SHTN1: variants seen among roughly 807,000 people sequenced by gnomAD.
SHTN1 encodes shootin 1, also known as shootin-1.
In SHTN1, 42 loss-of-function variants were observed where a neutral mutation model predicts 83.1. The ratio of observed to expected loss-of-function variants is 0.51; its 90% CI spans 0.39 to 0.65. The LOEUF (loss-of-function observed/expected upper bound fraction) is 0.65, where lower values mean the gene tolerates loss of function less well. SHTN1 is among the 30% of genes least tolerant of loss of function. The probability of loss-of-function intolerance (pLI) is 0.00; values close to 1 mark genes in which losing one functional copy is unlikely to be tolerated. For missense variants in SHTN1, 622 were observed against 737.8 expected (o/e 0.84, Z 1.82); for synonymous variants, 224 against 247.7 (o/e 0.90, Z 0.90).
chr10:117,023,002 GA>G (rs1182994059), intron 2 of SHTN1, among the ~76,000 whole-genome samples: 1 of 152,184 alleles, frequency 6.6e-6, no homozygotes, highest in Non-Finnish European at 1.5e-5. Context: ...ACTGACATCA[GA>G]AAGTTATGGC....
chr10:116,970,631 T>C (rs965259703), intron 2 of SHTN1, among the ~76,000 whole-genome samples: 1 of 151,906 alleles, frequency 6.6e-6, no homozygotes, highest in Non-Finnish European at 1.5e-5. Context: ...GGAGAACTGC[T>C]TGAACCCATG....
chr10:117,027,144 T>C (rs1419494576), intron 2 of SHTN1, among the ~76,000 whole-genome samples: 2 of 152,118 alleles, frequency 1.3e-5, no homozygotes, highest in Admixed American at 6.6e-5. Flanking sequence ...ATAGTTTGGA[T>C]CTGAATCCCC....
rs140487613 is a variant in SHTN1, at chr10:117,011,400, G to A, written c.-122-32092C>T. 2.7e-3 allele frequency among the ~76,000 whole-genome samples: 407 copies of A among 152,198 alleles called. 3 individuals are homozygous for A. The highest frequency in any genetic ancestry group is 9.4e-3 in the African/African-American group (391 of 41,526). ...TTGGTACCCTTGTTGAAAATCAACT[G>A]GTGATATACATGAGGATTTATTTTG... On this transcript the variant is annotated intron_variant, in intron 2 of 17. Transcript: ENST00000392901.
At chr10:116,907,869 AACTC>A (rs745824467) in intron 14 of SHTN1, 1 of 517,714 alleles carries the variant, frequency 1.9e-6, no homozygotes, top group African/African-American at 1.9e-5. Context: ...GTAATGTTTG[AACTC>A]ACTAAGGACT....
intron 12 of SHTN1, among the ~76,000 whole-genome samples, chr10:116,920,540 G>A (rs1199582341): frequency 2.0e-5 from 3 of 152,080 alleles, no homozygotes; most frequent in Admixed American, 1.3e-4. Flanking sequence ...TCATCTGAAT[G>A]ACTGCAATAG....
intron 11 of SHTN1, 21 bp from the exon 12 acceptor site, chr10:116,921,537 T>TC (rs1248613278): frequency 1.3e-6 from 2 of 1,586,602 alleles, no homozygotes. Flanking sequence ...AAGAAAAAGA[T>TC]CAACAGGAGA....
intron 7 of SHTN1, among the ~76,000 whole-genome samples, chr10:116,946,250 G>GT (rs1230455512): frequency 1.4e-5 from 2 of 147,812 alleles, no homozygotes; most frequent in Non-Finnish European, 3.0e-5. Context: ...TGTAGAGAGA[G>GT]TTTTTTTTAA....
chr10:116,911,775 G>A lies in SHTN1; in HGVS notation c.1359+15C>T. On this transcript the variant is annotated intron_variant, in intron 14 of 16. Coordinates refer to ENST00000355371, the MANE Select transcript of SHTN1 (RefSeq NM_001127211.3). ...TTCCCCATTAGCTAAACAATAAACTGAAATCTATTCTTACCAGTATTCCTT... is the reference window on the plus strand; with the variant it reads ...TTCCCCATTAGCTAAACAATAAACTAAAATCTATTCTTACCAGTATTCCTT... 6.2e-7 allele frequency: 1 copy of A among 1,604,562 alleles called. No individual in the cohort carries two copies. The highest frequency in any genetic ancestry group is 8.5e-7 in the Non-Finnish European group (1 of 1,171,922).
intron 1 of SHTN1, among the ~76,000 whole-genome samples, chr10:117,077,392 G>A (rs933049686): frequency 2.6e-5 from 4 of 152,158 alleles, no homozygotes; most frequent in Middle Eastern, 3.2e-3. Context: ...GGTTTTCACT[G>A]GAAGTTTGCC....
intron 2 of SHTN1, among the ~76,000 whole-genome samples, chr10:116,978,795 C>G (rs1224797085): frequency 6.6e-6 from 1 of 152,116 alleles, no homozygotes; most frequent in African/African-American, 2.4e-5. Flanking sequence ...GTGTATTATT[C>G]ATATAAATAG....
At position 116,953,994 on chromosome 10, in the gene SHTN1, T is replaced by C. The variant is rs571046885; in HGVS notation, c.436+48A>G. ...GTGCAGTCAGGGTTCAGAAGCACTA[T>C]CATAACGGGGTAAAAAATATGCTCA... On this transcript the variant is annotated intron_variant, in intron 5 of 16. Transcript: ENST00000355371. 1.0e-3 allele frequency: 1,539 copies of C among 1,491,048 alleles called. 27 individuals are homozygous for C. The South Asian group carries it at 0.018, about 17-fold the overall frequency. 92.4% of individuals were successfully genotyped at this position (1,491,048 alleles called of 1,614,324 possible). A position where few individuals can be genotyped will look rare whatever the true frequency, so the allele number is the denominator to read the frequency against.
chr10:116,945,558 G>C (rs1188062149), intron 7 of SHTN1, among the ~76,000 whole-genome samples: 1 of 151,952 alleles, frequency 6.6e-6, no homozygotes, highest in South Asian at 2.1e-4. Context: ...ATATACAAAA[G>C]GCCAATAAAC....
chr10:116,901,159 A>G lies in SHTN1; in HGVS notation c.1673+606T>C, dbSNP rs1339824173. The G allele has an allele frequency of 8.1e-6, 8 of 985,320 alleles. No homozygotes were observed. In the East Asian group the frequency reaches 6.8e-4, roughly 84 times the overall value. The allele number at this position is 985,320 out of a possible 1,614,324, so 61.0% of individuals were successfully genotyped here. A position where few individuals can be genotyped will look rare whatever the true frequency, so the allele number is the denominator to read the frequency against. On this transcript the variant is annotated intron_variant, in intron 16 of 16. Coordinates refer to ENST00000355371, the MANE Select transcript of SHTN1 (RefSeq NM_001127211.3). Reference sequence around the variant, plus strand: ...AAAGCAAAACTGTAGACTAATTTCAAAAAAGAGCTGCCATTGTTATAAAAC... The same window carrying G: ...AAAGCAAAACTGTAGACTAATTTCAGAAAAGAGCTGCCATTGTTATAAAAC...
At chr10:116,911,717 C>CA (rs1389667829) in intron 14 of SHTN1, 73 bp downstream of exon 14, 57 of 1,580,022 alleles carry the variant, frequency 3.6e-5, no homozygotes, top group Middle Eastern at 1.7e-4. Flanking sequence ...AAACAATTCA[C>CA]AAAAAACAGA....
At chr10:116,933,399 T>C (rs950080429) in intron 9 of SHTN1, among the ~76,000 whole-genome samples, 2 of 152,014 alleles carry the variant, frequency 1.3e-5, no homozygotes, top group Non-Finnish European at 2.9e-5. Flanking sequence ...CTCCCACTTA[T>C]AAGTGAGTAC....
intron 1 of SHTN1, among the ~76,000 whole-genome samples, chr10:117,108,195 T>A (rs544407982): frequency 1.1e-4 from 16 of 152,170 alleles, no homozygotes; most frequent in Admixed American, 8.5e-4. Context: ...AACCCAGCCA[T>A]CCCATTACTG....
chr10:117,076,841 C>T (rs1187359678), intron 1 of SHTN1, among the ~76,000 whole-genome samples: 6 of 152,234 alleles, frequency 3.9e-5, no homozygotes, highest in Non-Finnish European at 7.4e-5. Context: ...TTCATTAAAG[C>T]GAAATTGACT....
At chr10:117,016,298 A>G (rs1852179710) in intron 2 of SHTN1, among the ~76,000 whole-genome samples, 2 of 152,106 alleles carry the variant, frequency 1.3e-5, no homozygotes, top group African/African-American at 2.4e-5. Context: ...ATGTATCCCA[A>G]TTTGGCTTGA....
intron 2 of SHTN1, among the ~76,000 whole-genome samples, chr10:116,975,767 C>T (rs1003565626): frequency 1.3e-5 from 2 of 152,076 alleles, no homozygotes; most frequent in African/African-American, 4.8e-5. Context: ...CTGCTTTTAT[C>T]CTTGGGATGC....
Sources: gnomAD v4.1 joint callset for allele counts (sites outside exome capture counted in the v4.1 genomes callset) on GRCh38, gnomAD v4.1.1 for gene constraint, MANE v1.5 for transcripts, NCBI Gene and HGNC (gene_info 2026-07-23, HGNC 2026-07-21) for gene names.